NTRK1: variants seen among roughly 807,000 people sequenced by gnomAD.
NTRK1 encodes high affinity nerve growth factor receptor.
A neutral mutation model predicts 86.8 loss-of-function variants in NTRK1; 62 were observed. The observed-to-expected ratio is 0.71, with a 90% CI of 0.58 to 0.88. The LOEUF (loss-of-function observed/expected upper bound fraction) is 0.88. NTRK1 is among the 40% of genes least tolerant of loss of function. The pLI is 0.00. For missense variants in NTRK1, 967 were observed against 1,078.4 expected, an observed-to-expected ratio of 0.90 and a Z score of 1.45; for synonymous variants, 469 against 456.6, an observed-to-expected ratio of 1.03 and a Z score of -0.35.
At position 156,854,159 on chromosome 1, in the gene NTRK1, G is replaced by A; in HGVS notation, c.51-10195G>A. ...GAGCAGCAGGTAGTCGGTGACCTGG[G>A]TGAGGCGAGGGAAGCTGAGGCCGCG... On this transcript the variant is annotated intron_variant, in intron 2 of 16. Transcript: ENST00000392302. The surrounding 1 kb of genome is among the most constrained non-coding windows in gnomAD (Gnocchi z 4.2). 1 of 1,614,162 alleles carries A rather than the reference G, an allele frequency of 6.2e-7. No individual in the cohort carries two copies. The highest frequency in any genetic ancestry group is 8.5e-7 in the Non-Finnish European group (1 of 1,180,048).
At position 156,873,877 on chromosome 1, in the gene NTRK1, C is replaced by A; in HGVS notation, c.1095C>A (p.Asn365Lys). ...NNGNYTLLAA[N>K]PFGQASASIM... ...GCAACTACACGCTGCTGGCTGCCAA[C>A]CCCTTCGGCCAGGCCTCCGCCTCCA... The change falls in exon 8 of 17, where the codon AAC becomes AAA. Residue 365 changes from asparagine (N) to lysine (K), a missense_variant. Coordinates refer to ENST00000524377, the MANE Select transcript of NTRK1 (RefSeq NM_002529.4). The A allele has an allele frequency of 6.3e-7, 1 of 1,593,020 alleles. No individual in the cohort carries two copies. Among genetic ancestry groups the A allele is most frequent in the Non-Finnish European group, 8.6e-7 (1 of 1,169,172 alleles).
chr1:156,849,333 T>C, intron 2 of NTRK1: 1 of 1,613,852 alleles, frequency 6.2e-7, no homozygotes, highest in East Asian at 2.2e-5. Context: ...AGTCGGTAGA[T>C]GTGTTCCAAG....
chr1:156,880,988 G>A (rs949398412), intron 16 of NTRK1, among the ~76,000 whole-genome samples: 1 of 152,188 alleles, frequency 6.6e-6, no homozygotes, highest in African/African-American at 2.4e-5. Flanking sequence ...CCCTAGAAGG[G>A]AGAAGTAAGG....
At chr1:156,865,051 C>A (rs557660798) in intron 3 of NTRK1, 174 of 559,708 alleles carry the variant, frequency 3.1e-4, no homozygotes, top group Non-Finnish European at 4.8e-4. Flanking sequence ...TCATAGGTGC[C>A]TGCCCTATCT....
chr1:156,860,482 G>T (rs959280682), upstream of NTRK1, among the ~76,000 whole-genome samples: 1 of 152,268 alleles, frequency 6.6e-6, no homozygotes, highest in Admixed American at 6.5e-5. Context: ...CGCGCGCCGC[G>T]AGGATGGAGC....
chr1:156,843,427 T>C (rs1654875314), intron 2 of NTRK1: 2 of 1,613,972 alleles, frequency 1.2e-6, no homozygotes, highest in Admixed American at 1.7e-5. Context: ...CCAGACCTAC[T>C]ATCAGAGGCG....
At chr1:156,844,794 C>T in intron 2 of NTRK1, 1 of 1,614,186 alleles carries the variant, frequency 6.2e-7, no homozygotes, top group Non-Finnish European at 8.5e-7. Flanking sequence ...GGACACTGTT[C>T]TTGCTGGAGG....
At chr1:156,849,332 A>T in intron 2 of NTRK1, 1 of 1,613,628 alleles carries the variant, frequency 6.2e-7, no homozygotes, top group African/African-American at 1.3e-5. Context: ...CAGTCGGTAG[A>T]TGTGTTCCAA....
chr1:156,818,683 A>G (rs2102830676), intron 1 of NTRK1, among the ~76,000 whole-genome samples: 1 of 152,340 alleles, frequency 6.6e-6, no homozygotes, highest in South Asian at 2.1e-4. Context: ...GTAGTATTCC[A>G]TGATGCAGAT....
intron 14 of NTRK1, among the ~76,000 whole-genome samples, chr1:156,877,987 A>G (rs56115265): frequency 6.6e-6 from 1 of 152,342 alleles, no homozygotes; most frequent in East Asian, 1.9e-4. Flanking sequence ...GCTCCCAGAC[A>G]TGGCATAGGC....
intron 1 of NTRK1, among the ~76,000 whole-genome samples, chr1:156,822,668 A>G (rs1654219518): frequency 2.0e-5 from 3 of 150,180 alleles, no homozygotes; most frequent in South Asian, 2.1e-4. Context: ...CAGAGGCTCT[A>G]ATTGATATTC....
Position 156,864,447 on chromosome 1 carries a change from G to A in NTRK1, c.287+19G>A. On this transcript the variant is annotated intron_variant, in intron 2 of 16. Transcript: ENST00000524377. The stretch of plus-strand genomic sequence containing the variant: ...GAAACCTGTGAGGGAAACGGGGACT[G>A]TGGGTGTGGAGCTCAGCATGGGCCT... The A allele has an allele frequency of 6.2e-7, 1 of 1,611,698 alleles. No homozygotes were observed. Among genetic ancestry groups the A allele is most frequent in the South Asian group, 1.1e-5 (1 of 91,012 alleles).
At chr1:156,865,132 G>A (rs538425643) in intron 3 of NTRK1, 48 of 377,510 alleles carry the variant, frequency 1.3e-4, no homozygotes, top group Middle Eastern at 8.6e-4. Context: ...CTGGGTTCTG[G>A]CTGGGACTCC....
intron 2 of NTRK1, chr1:156,852,304 TC>T: frequency 9.7e-7 from 1 of 1,032,076 alleles, no homozygotes; most frequent in Non-Finnish European, 1.4e-6. Flanking sequence ...TGCACCCAGG[TC>T]CCTCCCATTC....
At position 156,879,929 on chromosome 1, in the gene NTRK1, T is replaced by A. The variant is rs1400415721; in HGVS notation, c.2047-70T>A. The A allele has an allele frequency of 1.1e-5, 17 of 1,581,260 alleles. No homozygotes were observed. In the East Asian group the frequency reaches 3.4e-4, roughly 31 times the overall value. ...GTGTATTTATTTTTAATGATGGGGCTGGGGTAGGCTGTGCCTTGACGGGCT... is the reference window on the plus strand; with the variant it reads ...GTGTATTTATTTTTAATGATGGGGCAGGGGTAGGCTGTGCCTTGACGGGCT... On this transcript the variant is annotated intron_variant, in intron 15 of 16. Transcript: ENST00000524377.
intron 2 of NTRK1, chr1:156,844,092 G>T: frequency 2.0e-6 from 2 of 980,402 alleles, no homozygotes; most frequent in Non-Finnish European, 1.6e-6. Context: ...TCTTTCTACT[G>T]TCTCATCTAC....
At chr1:156,857,998 T>G (rs1293151582), upstream of NTRK1, among the ~76,000 whole-genome samples, 1 of 151,732 alleles carries the variant, frequency 6.6e-6, no homozygotes, top group Non-Finnish European at 1.5e-5. Flanking sequence ...GGAAGAGCAG[T>G]CTTCCCCCAA....
At chr1:156,834,768 G>C (rs775309795) in intron 1 of NTRK1, among the ~76,000 whole-genome samples, 6 of 152,006 alleles carry the variant, frequency 3.9e-5, no homozygotes, top group Non-Finnish European at 7.4e-5. Flanking sequence ...CTGGGTAGGT[G>C]GGGAGGAGTG....
Position 156,871,715 on chromosome 1 carries a change from T to C in NTRK1, c.810T>C (p.Asp270=), listed in dbSNP as rs755895954. 16 of 1,614,018 alleles carry C rather than the reference T, an allele frequency of 9.9e-6. No individual in the cohort carries two copies. In the South Asian group the frequency reaches 1.3e-4, roughly 13 times the overall value. Residue 270 remains aspartate (D), a synonymous_variant, in exon 7 of 17, where the codon GAT becomes GAC. Coordinates refer to ENST00000524377, the MANE Select transcript of NTRK1 (RefSeq NM_002529.4). The part of the protein sequence containing the change: ...RKNVTCWAEN[D]VGRAEVSVQV... Reference sequence around the variant, plus strand: ...ACGTGACGTGCTGGGCAGAGAACGATGTGGGCCGGGCAGAGGTCTCTGTTC... The same window carrying C: ...ACGTGACGTGCTGGGCAGAGAACGACGTGGGCCGGGCAGAGGTCTCTGTTC...
Sources: gnomAD v4.1 joint callset for allele counts (sites outside exome capture counted in the v4.1 genomes callset) on GRCh38, gnomAD v4.1.1 for gene constraint, Gnocchi (gnomAD v3.1) non-coding constraint, MANE v1.5 for transcripts, NCBI Gene and HGNC (gene_info 2026-07-23, HGNC 2026-07-21) for gene names.